PRLR: variants seen among roughly 807,000 people sequenced by gnomAD.
PRLR encodes hPRL receptor.
A neutral mutation model predicts 40.2 loss-of-function variants in PRLR; 13 were observed. The observed-to-expected ratio is 0.32, with a 90% CI of 0.21 to 0.51. PRLR has a LOEUF of 0.51. Among genes scored for constraint, PRLR ranks in the 20% least tolerant of loss-of-function variants. The pLI is 0.97. For missense variants in PRLR, 656 were observed against 747.3 expected, an observed-to-expected ratio of 0.88 and a Z score of 1.42; for synonymous variants, 269 against 278.7, an observed-to-expected ratio of 0.97 and a Z score of 0.35.
At chr5:35,071,272 T>C (rs1769730279) in intron 6 of PRLR, among the ~76,000 whole-genome samples, 1 of 152,088 alleles carries the variant, frequency 6.6e-6, no homozygotes, top group South Asian at 2.1e-4. Context: ...GGATACTCTA[T>C]GGGACAAGTG....
chr5:35,166,385 C>A (rs369636632), intron 1 of PRLR, among the ~76,000 whole-genome samples: 44 of 152,202 alleles, frequency 2.9e-4, no homozygotes, highest in Middle Eastern at 6.8e-3. Context: ...TTTGTAATAA[C>A]AATGTACACA....
At chr5:35,093,594 C>T (rs1771355664) in intron 2 of PRLR, among the ~76,000 whole-genome samples, 1 of 152,196 alleles carries the variant, frequency 6.6e-6, no homozygotes, top group East Asian at 1.9e-4. Context: ...CCCTGCCATC[C>T]CTGTTAGGCA....
At chr5:35,152,822 A>C (rs1184216399) in intron 1 of PRLR, 2 of 152,218 alleles carry the variant, frequency 1.3e-5, no homozygotes, top group African/African-American at 4.8e-5. Context: ...TGATCATTTC[A>C]TGTCATTTAT....
intron 1 of PRLR, among the ~76,000 whole-genome samples, chr5:35,190,617 A>G (rs1775575203): frequency 4.1e-5 from 1 of 24,404 alleles, no homozygotes; most frequent in Non-Finnish European, 1.6e-4. Flanking sequence ...TGCCTCAGGA[A>G]AAAAAAAAAA....
chr5:35,182,337 C>T (rs1366908311), intron 1 of PRLR, among the ~76,000 whole-genome samples: 1 of 152,058 alleles, frequency 6.6e-6, no homozygotes, highest in East Asian at 1.9e-4. Flanking sequence ...TGTGATGTAG[C>T]GTTCTATATA....
intron 1 of PRLR, among the ~76,000 whole-genome samples, chr5:35,220,151 G>A (rs1776380172): frequency 6.6e-6 from 1 of 152,138 alleles, no homozygotes; most frequent in Non-Finnish European, 1.5e-5. Context: ...TGCCAACCAT[G>A]ATCCTACCCT....
At position 35,058,927 on chromosome 5, in the gene PRLR, T is replaced by TCC. The variant is rs1441652641; in HGVS notation, c.*6161_*6162insGG. 6.6e-6 allele frequency: 1 copy of TCC among 152,090 alleles called. No homozygotes were observed. The highest frequency in any genetic ancestry group is 2.4e-5 in the African/African-American group (1 of 41,428). The allele number at this position is 152,090 out of a possible 1,614,324, so 9.4% of individuals were successfully genotyped here. A position where few individuals can be genotyped will look rare whatever the true frequency, so the allele number is the denominator to read the frequency against. On this transcript the variant is annotated 3_prime_UTR_variant, in exon 10 of 10. Transcript: ENST00000618457. ...TATAAGCAGCTTTGAAGGAAGGACA[T>TCC]TAGGACACAAAAGGGAGGTAGTTAC... is the stretch of plus-strand genomic sequence containing the variant.
chr5:35,065,574 A>G lies in PRLR; in HGVS notation c.1384T>C (p.Ser462Pro), dbSNP rs752244130. The change falls in exon 10 of 10, where the codon TCT (serine) becomes CCT (proline). Residue 462 changes from serine to proline, a missense_variant. Ser to Pro is a moderately conservative substitution (Grantham distance 74). Coordinates refer to ENST00000618457, the MANE Select transcript of PRLR (RefSeq NM_000949.7). ...TCTTCTCTAGACTTAATGGTTTGAG[A>G]GGATTTTAAAGCATCTTTACCTGCT... ...NEAGKDALKS[S>P]QTIKSREEGK... The G allele has an allele frequency of 6.2e-7, 1 of 1,614,096 alleles. No individual in the cohort carries two copies. The highest frequency in any genetic ancestry group is 1.1e-5 in the South Asian group (1 of 91,078).
Position 35,059,022 on chromosome 5 carries a change from A to G in PRLR, c.*6067T>C, listed in dbSNP as rs1051039929. The stretch of plus-strand genomic sequence containing the variant: ...ATTATTTTTCAGCGGTATCTTCGCC[A>G]TATAGTTTTTCAGATAACGTGGAAA... On this transcript the variant is annotated 3_prime_UTR_variant, in exon 10 of 10. Transcript: ENST00000618457. 3 of 152,200 alleles carry G rather than the reference A, an allele frequency of 2.0e-5. No homozygotes were observed. The highest frequency in any genetic ancestry group is 7.2e-5 in the African/African-American group (3 of 41,462). 9.4% of individuals were successfully genotyped at this position (152,200 alleles called of 1,614,324 possible). A position where few individuals can be genotyped will look rare whatever the true frequency, so the allele number is the denominator to read the frequency against.
At chr5:35,145,152 G>T (rs927192022) in intron 1 of PRLR, among the ~76,000 whole-genome samples, 1 of 152,088 alleles carries the variant, frequency 6.6e-6, no homozygotes, top group Non-Finnish European at 1.5e-5. Flanking sequence ...ACTGAAAATT[G>T]ATTTTCACAA....
chr5:35,206,845 AAG>A (rs1776033234), intron 1 of PRLR, among the ~76,000 whole-genome samples: 2 of 152,156 alleles, frequency 1.3e-5, no homozygotes, highest in Admixed American at 1.3e-4. Context: ...TAAAAAAAGA[AAG>A]AAGATCAAAT....
rs1344477370 is a variant in PRLR, at chr5:35,060,281, G to A, written c.*4808C>T. ...GTTGCTACTAACTCTTAGGAAAATA[G>A]TAGGCTCTGGAGAAGGAGTAAAAAC... On this transcript the variant is annotated 3_prime_UTR_variant, in exon 10 of 10. Coordinates refer to ENST00000618457, the MANE Select transcript of PRLR (RefSeq NM_000949.7). 1 of 152,152 alleles carries A rather than the reference G, an allele frequency of 6.6e-6. No homozygotes were observed. The highest frequency in any genetic ancestry group is 2.4e-5 in the African/African-American group (1 of 41,412). 9.4% of individuals were successfully genotyped at this position (152,152 alleles called of 1,614,324 possible).
At chr5:35,117,576 G>A (rs1202100862) in intron 2 of PRLR, among the ~76,000 whole-genome samples, 3 of 152,204 alleles carry the variant, frequency 2.0e-5, no homozygotes, top group Admixed American at 1.3e-4. Flanking sequence ...AAGACCCAGA[G>A]CCTGTCACAC....
Position 35,155,982 on chromosome 5 carries a change from T to C in PRLR, c.-105-37860A>G, listed in dbSNP as rs576750308. Among the ~76,000 whole-genome samples, 20 of 152,334 alleles carry C rather than the reference T, an allele frequency of 1.3e-4. 1 individual carries two copies. Among genetic ancestry groups the C allele is most frequent in the Admixed American group, 3.9e-4 (6 of 15,298 alleles). On this transcript the variant is annotated intron_variant, in intron 1 of 9. Transcript: ENST00000618457. The stretch of plus-strand genomic sequence containing the variant: ...ATACAAGTTCATCTTCCTTACTTTG[T>C]AATTTTTTTTAAACCATATTTCAAA...
intron 1 of PRLR, among the ~76,000 whole-genome samples, chr5:35,207,860 T>C (rs1255744227): frequency 3.3e-5 from 5 of 152,164 alleles, no homozygotes; most frequent in South Asian, 2.1e-4. Flanking sequence ...TAAATCAATT[T>C]TGAAAATGAA....
intron 1 of PRLR, among the ~76,000 whole-genome samples, chr5:35,141,016 G>A (rs79572150): frequency 0.011 from 1,658 of 152,160 alleles, 21 homozygotes; most frequent in African/African-American, 0.038. Context: ...GAACTTCTGG[G>A]AAAGCTCTTT....
chr5:35,065,922 C>A lies in PRLR; in HGVS notation c.1036G>T (p.Asp346Tyr). ...QGMKPTYLDP[D>Y]TDSGRGSCDS... The stretch of plus-strand genomic sequence containing the variant: ...CAGCTCCCCCGGCCTGAGTCAGTGT[C>A]AGGATCCAGGTATGTGGGTTTCATA... The change falls in exon 10 of 10, where the codon GAC becomes TAC. Residue 346 changes from aspartate (D) to tyrosine (Y), a missense_variant. Coordinates refer to ENST00000618457, the MANE Select transcript of PRLR (RefSeq NM_000949.7). The A allele has an allele frequency of 6.2e-7, 1 of 1,614,130 alleles. No individual in the cohort carries two copies. Among genetic ancestry groups the A allele is most frequent in the African/African-American group, 1.3e-5 (1 of 75,044 alleles).
At chr5:35,140,580 T>G (rs1289869803) in intron 1 of PRLR, among the ~76,000 whole-genome samples, 1 of 152,258 alleles carries the variant, frequency 6.6e-6, no homozygotes, top group Non-Finnish European at 1.5e-5. Flanking sequence ...GTGTGAATCT[T>G]TCTTGAGAGC....
intron 1 of PRLR, among the ~76,000 whole-genome samples, chr5:35,207,268 A>G (rs1438347801): frequency 6.6e-6 from 1 of 152,150 alleles, no homozygotes; most frequent in Non-Finnish European, 1.5e-5. Context: ...ATAAACTTTT[A>G]TAATTAACTA....
Sources: gnomAD v4.1 joint callset for allele counts (sites outside exome capture counted in the v4.1 genomes callset) on GRCh38, gnomAD v4.1.1 for gene constraint, MANE v1.5 for transcripts, NCBI Gene and HGNC (gene_info 2026-07-23, HGNC 2026-07-21) for gene names.